Variants in NUMA1 observed in about 807,000 individuals in gnomAD.
NUMA1 encodes the protein nuclear mitotic apparatus protein 1.
Under a neutral mutation model 237.1 loss-of-function variants are expected in NUMA1, and 62 were observed. The ratio of observed to expected loss-of-function variants is 0.26; its 90% confidence interval spans 0.21 to 0.32. The LOEUF is 0.32. Ranked by LOEUF, NUMA1 falls within the 10% of genes least tolerant of loss-of-function variation. The pLI, the probability that NUMA1 is intolerant of heterozygous loss-of-function variation, is 1.00. For synonymous variants in NUMA1, 1,028 were observed against 1,066.1 expected (o/e 0.96, Z 0.70); for missense variants, 2,533 against 2,666.5 (o/e 0.95, Z 1.10).
In NUMA1 at chr11:72,005,216, G is replaced by A. The variant is rs778126027; in HGVS notation, c.5829+17C>T. The A allele has an allele frequency of 1.3e-6, 2 of 1,574,902 alleles. No individual in the cohort carries two copies. The highest frequency in any genetic ancestry group is 2.3e-5 in the South Asian group (2 of 86,316). ...GGGCAGGGATGGGAGGCCCTGCACAGTGACCCCAGGCCTCACCCTGGACTC... is the reference window on the plus strand; with the variant it reads ...GGGCAGGGATGGGAGGCCCTGCACAATGACCCCAGGCCTCACCCTGGACTC... On this transcript the variant is annotated intron_variant, in intron 23 of 26. Coordinates refer to ENST00000393695, the MANE Select transcript of NUMA1 (RefSeq NM_006185.4).
chr11:72,009,870 C>T (rs149901788), intron 17 of NUMA1, among the ~76,000 whole-genome samples: 1 of 152,336 alleles, frequency 6.6e-6, no homozygotes, highest in Non-Finnish European at 1.5e-5. Context: ...ACCAGAGTAA[C>T]AGTGACTAAA....
chr11:72,003,413 T>C lies in NUMA1; in HGVS notation c.*114A>G. ...GGCAGGCATCACTGTCTCTAGGGGTTTGGCTACTGTTGGCCTGGGAGCTGA... is the reference window on the plus strand; with the variant it reads ...GGCAGGCATCACTGTCTCTAGGGGTCTGGCTACTGTTGGCCTGGGAGCTGA... On this transcript the variant is annotated 3_prime_UTR_variant, in exon 27 of 27. Coordinates refer to ENST00000393695, the MANE Select transcript of NUMA1 (RefSeq NM_006185.4). 2.9e-6 allele frequency: 3 copies of C among 1,025,284 alleles called. No individual in the cohort carries two copies. Among genetic ancestry groups the C allele is most frequent in the Admixed American group, 1.7e-5 (1 of 58,482 alleles). The allele number at this position is 1,025,284 out of a possible 1,614,324, so 63.5% of individuals were successfully genotyped here. A position where few individuals can be genotyped will look rare whatever the true frequency, so the allele number is the denominator to read the frequency against.
chr11:72,022,133 A>G (rs868015607), intron 7 of NUMA1: 3 of 470,030 alleles, frequency 6.4e-6, no homozygotes, highest in African/African-American at 2.0e-5. Flanking sequence ...TTAAAAAGTT[A>G]GCAAACTCTG....
chr11:72,062,776 T>C lies in NUMA1; in HGVS notation c.-33+7066A>G, dbSNP rs544100424. ...AATAAGCAGGTATTAAGTGGTTCTC[T>C]GGATAGGAATTTGGCAATACAAATC... is the stretch of plus-strand genomic sequence containing the variant. On this transcript the variant is annotated intron_variant, in intron 2 of 26. Transcript: ENST00000393695. The C allele has an allele frequency of 2.0e-5, 3 of 151,814 alleles. No individual in the cohort carries two copies. The East Asian group carries it at 5.9e-4, about 30-fold the overall frequency. 9.4% of individuals were successfully genotyped at this position (151,814 alleles called of 1,614,324 possible).
chr11:72,030,557 TGGTCAA>T, intron 3 of NUMA1, among the ~76,000 whole-genome samples: 2 of 152,210 alleles, frequency 1.3e-5, no homozygotes, highest in African/African-American at 4.8e-5. Context: ...TAAGTATACA[TGGTCAA>T]CCTCTACAGG....
intron 2 of NUMA1, among the ~76,000 whole-genome samples, chr11:72,063,130 T>C (rs1262228874): frequency 6.6e-6 from 1 of 152,140 alleles, no homozygotes; most frequent in African/African-American, 2.4e-5. Context: ...ATGCCCAAAA[T>C]CCCAGCACTT....
At position 72,035,918 on chromosome 11, in the gene NUMA1, G is replaced by A. The variant is rs777907153; in HGVS notation, c.26C>T (p.Ala9Val). The A allele has an allele frequency of 1.2e-6, 2 of 1,613,988 alleles. No homozygotes were observed. Among genetic ancestry groups the A allele is most frequent in the South Asian group, 2.2e-5 (2 of 91,056 alleles). ...ACTACTTACCCAAGAGAGGAGTGCA[G>A]CCCCCCGGGTGGCGTGGAGTGTCAT... MTLHATRG[A>V]ALLSWVNSLH... The change falls in exon 3 of 27, where the codon GCT becomes GTT. Residue 9 changes from alanine (A) to valine (V), a missense_variant. Coordinates refer to ENST00000393695, the MANE Select transcript of NUMA1 (RefSeq NM_006185.4).
At chr11:72,011,233 T>A (rs1956141681) in intron 16 of NUMA1, among the ~76,000 whole-genome samples, 1 of 152,172 alleles carries the variant, frequency 6.6e-6, no homozygotes, top group Admixed American at 6.5e-5. Flanking sequence ...TAGTCTGTAA[T>A]TCTAGTAGAC....
rs778315290 is a variant in NUMA1 at position 72,013,035 on chromosome 11, G to A, written c.4468C>T (p.Arg1490Cys). The change falls in exon 15 of 27, where the codon CGT (arginine) becomes TGT (cysteine). Residue 1490 changes from arginine to cysteine, a missense_variant. Coordinates refer to ENST00000393695, the MANE Select transcript of NUMA1 (RefSeq NM_006185.4). The surrounding 1 kb of genome is among the most constrained non-coding windows in gnomAD (Gnocchi z 6.8). ...LAAVRADAET[R>C]LAEVQREAQS... ...GCTTCTCGCTGCACCTCAGCCAGAC[G>A]GGTCTCAGCATCAGCACGTACGGCT... 25 of 1,614,068 alleles carry A rather than the reference G, an allele frequency of 1.5e-5. No individual in the cohort carries two copies. The East Asian group carries it at 2.2e-4, about 14-fold the overall frequency.
At position 72,014,495 on chromosome 11, in the gene NUMA1, T is replaced by G. The variant is rs746990409; in HGVS notation, c.3008A>C (p.Glu1003Ala). ...GQQQEERGQQ[E>A]REVARLTQER... ...CTGGGTCAGCCGCGCCACCTCCCTT[T>G]CCTGCTGCCCACGCTCCTCCTGCTG... The change falls in exon 15 of 27, where the codon GAA becomes GCA. Residue 1003 changes from glutamate to alanine, a missense_variant. Around this residue, in one of 3 missense-constraint regions of NUMA1, gnomAD observed 1,414 missense variants for 1,508.1 expected, o/e 0.94. Transcript: ENST00000393695. The surrounding 1 kb of genome is among the most constrained non-coding windows in gnomAD (Gnocchi z 4.6). 1.0e-5 allele frequency: 16 copies of G among 1,601,956 alleles called. No homozygotes were observed. The highest frequency in any genetic ancestry group is 1.4e-5 in the Non-Finnish European group (16 of 1,179,940).
intron 20 of NUMA1, chr11:72,008,462 G>A: frequency 1.8e-6 from 1 of 555,482 alleles, no homozygotes; most frequent in African/African-American, 1.9e-5. Context: ...CACACCTATG[G>A]ATGCTTTCAA....
chr11:72,005,022 C>G (rs1289733246), intron 23 of NUMA1, among the ~76,000 whole-genome samples: 1 of 152,146 alleles, frequency 6.6e-6, no homozygotes, highest in Non-Finnish European at 1.5e-5. Flanking sequence ...CAGTCCTGAC[C>G]AGATTCCTCT....
Position 72,003,460 on chromosome 11 carries a change from G to C in NUMA1, c.*67C>G, listed in dbSNP as rs897442801. Reference sequence around the variant, plus strand: ...CTGAGAGAAGGCACTGAGAGGGACAGTAGGCGGAGGACCAGGTGAGGTCAG... The same window carrying C: ...CTGAGAGAAGGCACTGAGAGGGACACTAGGCGGAGGACCAGGTGAGGTCAG... On this transcript the variant is annotated 3_prime_UTR_variant, in exon 27 of 27. Coordinates refer to ENST00000393695, the MANE Select transcript of NUMA1 (RefSeq NM_006185.4). 6.7e-7 allele frequency: 1 copy of C among 1,492,108 alleles called. No homozygotes were observed. The highest frequency in any genetic ancestry group is 1.1e-5 in the South Asian group (1 of 88,794). The allele number at this position is 1,492,108 out of a possible 1,614,324, so 92.4% of individuals were successfully genotyped here. A position where few individuals can be genotyped will look rare whatever the true frequency, so the allele number is the denominator to read the frequency against.
intron 20 of NUMA1, 29 bp from the exon 21 acceptor site, chr11:72,007,464 G>A (rs779642389): frequency 6.2e-7 from 1 of 1,610,578 alleles, no homozygotes; most frequent in South Asian, 1.1e-5. Flanking sequence ...CTGAGGTACA[G>A]TCCTTCACGC....
chr11:72,056,656 A>AAAAAAAAAAAAAAAAC (rs1942669250), intron 2 of NUMA1, among the ~76,000 whole-genome samples: 1 of 147,926 alleles, frequency 6.8e-6, no homozygotes, highest in African/African-American at 2.5e-5. Context: ...AAAAAAAAAA[A>AAAAAAAAAAAAAAAAC]AAAAGGCAAG....
intron 1 of NUMA1, among the ~76,000 whole-genome samples, chr11:72,070,724 G>A (rs890262573): frequency 5.9e-5 from 9 of 152,132 alleles, no homozygotes; most frequent in South Asian, 2.1e-4. Context: ...AGCTGAGACC[G>A]TGCCACTGGA....
At chr11:72,056,310 C>T (rs1485679748) in intron 2 of NUMA1, among the ~76,000 whole-genome samples, 1 of 140,760 alleles carries the variant, frequency 7.1e-6, no homozygotes, top group East Asian at 2.1e-4. Context: ...AGTGACGCAG[C>T]AAGATCCCAT....
chr11:72,017,620 GTGGTAAAC>G, intron 13 of NUMA1, 59 bp downstream of exon 13: 1 of 1,585,620 alleles, frequency 6.3e-7, no homozygotes, highest in South Asian at 1.1e-5. Context: ...GAAGAGCACA[GTGGTAAAC>G]TGGACTCAGC....
intron 3 of NUMA1, 74 bp from the exon 4 acceptor site, chr11:72,029,364 TG>T: frequency 1.1e-6 from 1 of 875,924 alleles, no homozygotes; most frequent in East Asian, 2.6e-5. Flanking sequence ...AGAGGCTTAA[TG>T]TGAGTGCTTA....
Sources: gnomAD v4.1 joint callset for allele counts (sites outside exome capture counted in the v4.1 genomes callset) on GRCh38, gnomAD v4.1.1 for gene constraint, gnomAD v4.1.1 regional missense constraint, Gnocchi (gnomAD v3.1) non-coding constraint, MANE v1.5 for transcripts, NCBI Gene and HGNC (gene_info 2026-07-23, HGNC 2026-07-21) for gene names.